GRM7: variants seen among roughly 807,000 people sequenced by gnomAD.
GRM7 encodes the protein glutamate metabotropic receptor 7, also known as metabotropic glutamate receptor 7.
Under a neutral mutation model 84.5 loss-of-function variants are expected in GRM7, and 35 were observed. The observed-to-expected ratio is 0.41, with a 90% CI of 0.32 to 0.55. The LOEUF (loss-of-function observed/expected upper bound fraction) is 0.55, where lower values mean the gene tolerates loss of function less well. Ranked by LOEUF, GRM7 falls within the 20% of genes least tolerant of loss-of-function variation. The pLI is 0.19. For synonymous variants in GRM7, 487 were observed against 455.1 expected, an observed-to-expected ratio of 1.07 and a Z score of -0.89; for missense variants, 1,003 against 1,194.6, an observed-to-expected ratio of 0.84 and a Z score of 2.36.
chr3:6,993,783 A>T (rs1332515292), intron 1 of GRM7, among the ~76,000 whole-genome samples: 1 of 152,196 alleles, frequency 6.6e-6, no homozygotes, highest in Non-Finnish European at 1.5e-5. Context: ...TTAACGATGG[A>T]TTACATATAG....
At chr3:7,535,991 C>G (rs756283082) in intron 7 of GRM7, among the ~76,000 whole-genome samples, 1 of 152,178 alleles carries the variant, frequency 6.6e-6, no homozygotes, top group Non-Finnish European at 1.5e-5. Context: ...CCCTGCTCCT[C>G]AAGATGTTTC....
chr3:6,898,074 GA>G (rs1696250472), intron 1 of GRM7, among the ~76,000 whole-genome samples: 1 of 152,164 alleles, frequency 6.6e-6, no homozygotes, highest in African/African-American at 2.4e-5. Flanking sequence ...TGAGAAGCTA[GA>G]AGGCAAGGAC....
intron 1 of GRM7, chr3:6,892,806 C>T (rs1014718506): frequency 1.3e-5 from 2 of 152,188 alleles, no homozygotes; most frequent in African/African-American, 4.8e-5. Context: ...CCCTCAATGT[C>T]TTTGTTACTT....
At chr3:7,409,253 T>G (rs965325093) in intron 4 of GRM7, among the ~76,000 whole-genome samples, 1 of 152,234 alleles carries the variant, frequency 6.6e-6, no homozygotes, top group Non-Finnish European at 1.5e-5. Flanking sequence ...GTATGAACTT[T>G]AAAAGCAACT....
At chr3:6,945,630 A>G (rs1425746481) in intron 1 of GRM7, among the ~76,000 whole-genome samples, 1 of 152,126 alleles carries the variant, frequency 6.6e-6, no homozygotes, top group East Asian at 1.9e-4. Context: ...TCCCTGAGGA[A>G]TCGCCACACC....
At chr3:7,708,113 A>T (rs1279228695) in intron 9 of GRM7, among the ~76,000 whole-genome samples, 1 of 150,776 alleles carries the variant, frequency 6.6e-6, no homozygotes, top group Non-Finnish European at 1.5e-5. Context: ...CTGTCATTTT[A>T]TTTGCCTCTC....
chr3:7,644,443 G>T (rs966102547), intron 8 of GRM7, among the ~76,000 whole-genome samples: 9 of 152,106 alleles, frequency 5.9e-5, no homozygotes, highest in African/African-American at 2.2e-4. Context: ...TCTCCTGGTT[G>T]CCATTTGATG....
intron 4 of GRM7, among the ~76,000 whole-genome samples, chr3:7,382,601 C>T (rs1211786928): frequency 6.6e-6 from 1 of 152,056 alleles, no homozygotes; most frequent in East Asian, 1.9e-4. Flanking sequence ...AACTGGAACA[C>T]TGAAGACACT....
intron 2 of GRM7, among the ~76,000 whole-genome samples, chr3:7,155,773 A>T (rs1002824797): frequency 6.6e-6 from 1 of 152,128 alleles, no homozygotes; most frequent in East Asian, 1.9e-4. Flanking sequence ...CTCTCAGTCA[A>T]GCTGAAGGGG....
intron 1 of GRM7, among the ~76,000 whole-genome samples, chr3:7,006,932 A>G (rs1418942051): frequency 6.6e-6 from 1 of 152,226 alleles, no homozygotes; most frequent in African/African-American, 2.4e-5. Flanking sequence ...AGCATATGAA[A>G]ATAACTTCAA....
At chr3:7,144,905 C>T (rs760353078) in intron 1 of GRM7, among the ~76,000 whole-genome samples, 2 of 152,122 alleles carry the variant, frequency 1.3e-5, no homozygotes, top group Non-Finnish European at 2.9e-5. Flanking sequence ...GCCTGCCCTC[C>T]AATGGTCATA....
intron 8 of GRM7, 119 bp downstream of exon 8, chr3:7,579,476 G>C (rs191054765): frequency 3.3e-4 from 204 of 622,562 alleles, no homozygotes; most frequent in African/African-American, 2.8e-3. Context: ...GTATTTCCAA[G>C]AGTAGAGAAC....
chr3:7,571,894 G>A (rs1347978575), intron 7 of GRM7, among the ~76,000 whole-genome samples: 1 of 152,190 alleles, frequency 6.6e-6, no homozygotes, highest in African/African-American at 2.4e-5. Context: ...GAAATGCAAA[G>A]AGGAGTAAGT....
At chr3:7,374,021 C>T (rs1206223507) in intron 4 of GRM7, among the ~76,000 whole-genome samples, 1 of 152,098 alleles carries the variant, frequency 6.6e-6, no homozygotes, top group Non-Finnish European at 1.5e-5. Context: ...ATGGGAGAGG[C>T]AGCATAGTGT....
rs950300523 is a variant in GRM7 at position 6,863,877 on chromosome 3, A to G, written c.519+1970A>G. On this transcript the variant is annotated intron_variant, in intron 1 of 9. Coordinates refer to ENST00000357716, the MANE Select transcript of GRM7 (RefSeq NM_000844.4). The surrounding 1 kb of genome is among the most constrained non-coding windows in gnomAD (Gnocchi z 4.8). Reference sequence around the variant, plus strand: ...GCGGATCAGCCTGTCTCTGTCTGAAAAAAGAGTGAAATGTTAAAGTCAAGA... The same window carrying G: ...GCGGATCAGCCTGTCTCTGTCTGAAGAAAGAGTGAAATGTTAAAGTCAAGA... 1.3e-5 allele frequency among the ~76,000 whole-genome samples: 2 copies of G among 152,200 alleles called. No homozygotes were observed. The highest frequency in any genetic ancestry group is 4.8e-5 in the African/African-American group (2 of 41,436).
intron 2 of GRM7, among the ~76,000 whole-genome samples, chr3:7,252,043 C>T (rs34039176): frequency 0.079 from 12,071 of 152,130 alleles, 722 homozygotes; most frequent in Non-Finnish European, 0.12. Context: ...CACCCACCTT[C>T]CCCCACTAAA....
intron 1 of GRM7, among the ~76,000 whole-genome samples, chr3:6,995,008 A>G (rs571074753): frequency 1.3e-5 from 2 of 152,290 alleles, no homozygotes; most frequent in African/African-American, 4.8e-5. Flanking sequence ...TTTGGCTAAT[A>G]AAAAGTAAGT....
rs184874049 is a variant in GRM7, at chr3:7,509,337, T to C, written c.1515+47615T>C. Among the ~76,000 whole-genome samples the C allele has an allele frequency of 2.6e-5, 4 of 152,316 alleles. No individual in the cohort carries two copies. The East Asian group carries it at 7.7e-4, about 29-fold the overall frequency. On this transcript the variant is annotated intron_variant, in intron 7 of 9. Coordinates refer to ENST00000357716, the MANE Select transcript of GRM7 (RefSeq NM_000844.4). ...CTGCACCTAATTTATAAATTAAACT[T>C]CATCTTAGGTATTCACATACAGTTT...
intron 7 of GRM7, among the ~76,000 whole-genome samples, chr3:7,466,199 A>G (rs1391107939): frequency 6.6e-6 from 1 of 152,166 alleles, no homozygotes; most frequent in Admixed American, 6.5e-5. Context: ...GTGATAGCTC[A>G]TGGAGATATT....
Sources: gnomAD v4.1 joint callset for allele counts (sites outside exome capture counted in the v4.1 genomes callset) on GRCh38, gnomAD v4.1.1 for gene constraint, Gnocchi (gnomAD v3.1) non-coding constraint, MANE v1.5 for transcripts, NCBI Gene and HGNC (gene_info 2026-07-23, HGNC 2026-07-21) for gene names.